C3: variants seen among roughly 807,000 people sequenced by gnomAD.
C3 encodes complement C3.
Under a neutral mutation model 207.9 loss-of-function variants are expected in C3, and 97 were observed. That is an observed-to-expected ratio of 0.47 (90% CI 0.40 to 0.55). The LOEUF is 0.55. Ranked by LOEUF, C3 falls within the 20% of genes least tolerant of loss-of-function variation. The pLI is 0.00. For synonymous variants in C3, 848 were observed against 857.6 expected (o/e 0.99, Z 0.20); for missense variants, 1,684 against 2,171.7 (o/e 0.78, Z 4.46).
intron 19 of C3, among the ~76,000 whole-genome samples, chr19:6,699,984 A>T (rs1443402345): frequency 6.7e-6 from 1 of 148,962 alleles, no homozygotes; most frequent in East Asian, 1.9e-4. Context: ...TAAAATATAC[A>T]TTATATATGT....
chr19:6,682,472 A>G (rs1380446791), intron 33 of C3: 2 of 502,140 alleles, frequency 4.0e-6, no homozygotes, highest in Admixed American at 3.2e-5. Context: ...TTCCAGCTCT[A>G]AATAACATTG....
chr19:6,679,093 A>C (rs1917791702), intron 38 of C3, 32 bp downstream of exon 38: 1 of 1,537,560 alleles, frequency 6.5e-7, no homozygotes, highest in Non-Finnish European at 9.0e-7. Context: ...ACACAGCTAA[A>C]CATGCGTGAC....
rs1282751006 is a variant in C3 at position 6,719,192 on chromosome 19, T to C, written c.267+19A>G. The C allele has an allele frequency of 1.4e-5, 23 of 1,612,188 alleles. No individual in the cohort carries two copies. The highest frequency in any genetic ancestry group is 1.7e-4 in the Middle Eastern group (1 of 6,052). ...GTGGCTGTGGGTGTCAGCCGGGTCC[T>C]GCGCCAGTCTGCACTCACCGTGAAG... On this transcript the variant is annotated intron_variant, in intron 2 of 40. Transcript: ENST00000245907. The surrounding 1 kb of genome is among the most constrained non-coding windows in gnomAD (Gnocchi z 5.4).
In C3 at chr19:6,689,320, T is replaced by TCTCTAC. The variant is rs1555684196; in HGVS notation, c.3489+1308_3489+1309insGTAGAG. 1.4e-4 allele frequency among the ~76,000 whole-genome samples: 10 copies of TCTCTAC among 72,382 alleles called. 1 individual carries two copies. The highest frequency in any genetic ancestry group is 5.1e-4 in the African/African-American group (8 of 15,554). 47.5% of individuals were successfully genotyped at this position (72,382 alleles called of 152,430 possible). A position where few individuals can be genotyped will look rare whatever the true frequency, so the allele number is the denominator to read the frequency against. ...TCTCCTCTCTCTCTCTCTCTCTCTC[T>TCTCTAC]CTACCTACCTCCCTCCCTCCCTCCC... On this transcript the variant is annotated intron_variant, in intron 27 of 40. Transcript: ENST00000245907.
At chr19:6,707,318 CCGG>C (rs1967802539) in intron 16 of C3, 45 bp from the exon 17 acceptor site, 2 of 1,600,908 alleles carry the variant, frequency 1.2e-6, no homozygotes, top group Non-Finnish European at 1.7e-6. Context: ...CAGCCGGGGG[CCGG>C]CAGCAGGAGG....
At chr19:6,714,717 C>T (rs1383113653) in intron 4 of C3, among the ~76,000 whole-genome samples, 1 of 152,080 alleles carries the variant, frequency 6.6e-6, no homozygotes, top group African/African-American at 2.4e-5. Flanking sequence ...CAAAAATTAG[C>T]CAGGCATGGT....
At position 6,712,524 on chromosome 19, in the gene C3, A is replaced by G; in HGVS notation, c.1103T>C (p.Met368Thr). The G allele has an allele frequency of 6.2e-7, 1 of 1,614,148 alleles. No homozygotes were observed. Among genetic ancestry groups the G allele is most frequent in the Non-Finnish European group, 8.5e-7 (1 of 1,179,982 alleles). ...TKTPKYFKPG[M>T]PFDLMVFVTN... is the part of the protein sequence containing the mutation. ...GGGTCTCACCATGAGGTCAAAGGGC[A>G]TTCCTGGTTTGAAGTACTTGGGTGT... The change falls in exon 10 of 41, where the codon ATG becomes ACG. Residue 368 changes from methionine to threonine, a missense_variant. By Grantham distance (81) the Met-to-Thr change is moderately conservative. Around this residue, in one of 3 missense-constraint regions of C3, gnomAD observed 1,280 missense variants for 1,739.1 expected, o/e 0.74. Coordinates refer to ENST00000245907, the MANE Select transcript of C3 (RefSeq NM_000064.4).
intron 17 of C3, among the ~76,000 whole-genome samples, chr19:6,704,453 A>AAT (rs1555685940): frequency 1.3e-5 from 2 of 152,226 alleles, no homozygotes; most frequent in African/African-American, 4.8e-5. Flanking sequence ...TCCCTTAAAA[A>AAT]ATATATATAT....
intron 17 of C3, among the ~76,000 whole-genome samples, chr19:6,705,354 CTTTTT>C (rs1395898355): frequency 1.3e-5 from 1 of 78,622 alleles, no homozygotes; most frequent in African/African-American, 5.0e-5. Context: ...TTTTTTTTTT[CTTTTT>C]TGAGACAGGG....
At chr19:6,686,308 C>T (rs762885547) in intron 28 of C3, 21 bp from the exon 29 acceptor site, 9 of 1,613,314 alleles carry the variant, frequency 5.6e-6, no homozygotes, top group Non-Finnish European at 7.6e-6. Flanking sequence ...GATACCCCAT[C>T]CCCAGTGCTC....
intron 19 of C3, among the ~76,000 whole-genome samples, chr19:6,700,701 A>G (rs1314971974): frequency 7.3e-6 from 1 of 136,792 alleles, no homozygotes. Flanking sequence ...TATATTATAT[A>G]TGTAATATGT....
intron 23 of C3, among the ~76,000 whole-genome samples, chr19:6,695,143 G>A (rs937497866): frequency 3.3e-5 from 5 of 151,568 alleles, no homozygotes; most frequent in Non-Finnish European, 5.9e-5. Context: ...GGTGGCGGGC[G>A]CCTGTAGTCC....
intron 36 of C3, 96 bp from the exon 37 acceptor site, chr19:6,679,592 C>G (rs11569559): frequency 1.2e-5 from 10 of 843,674 alleles, no homozygotes; most frequent in Admixed American, 1.7e-5. Flanking sequence ...GTCTTCAGAC[C>G]TGGAGATGCT....
rs57940862 is a variant in C3 at position 6,691,989 on chromosome 19, AACACACACACACAC to A, written c.3390+921_3390+934del. ...GTGACAAGAGCAAAACTCCATCTCAAACACACACACACACACACACACACACACACACACACACA... is the reference window on the plus strand; with the variant it reads ...GTGACAAGAGCAAAACTCCATCTCAAACACACACACACACACACACACACA... On this transcript the variant is annotated intron_variant, in intron 26 of 40. Coordinates refer to ENST00000245907, the MANE Select transcript of C3 (RefSeq NM_000064.4). 1.3e-3 allele frequency among the ~76,000 whole-genome samples: 173 copies of A among 136,934 alleles called. 1 individual carries two copies. The highest frequency in any genetic ancestry group is 4.2e-3 in the African/African-American group (153 of 36,318). 89.8% of individuals were successfully genotyped at this position (136,934 alleles called of 152,430 possible). A position where few individuals can be genotyped will look rare whatever the true frequency, so the allele number is the denominator to read the frequency against.
chr19:6,703,385 A>G (rs1967713237), intron 17 of C3, among the ~76,000 whole-genome samples: 1 of 152,162 alleles, frequency 6.6e-6, no homozygotes, highest in Non-Finnish European at 1.5e-5. Context: ...AGGCGGGTGG[A>G]TCACTTGAGG....
chr19:6,707,356 A>T, intron 16 of C3, 83 bp from the exon 17 acceptor site: 1 of 1,596,026 alleles, frequency 6.3e-7, no homozygotes, highest in Non-Finnish European at 8.6e-7. Flanking sequence ...CCCAGGGAGG[A>T]CTTCCCCGCC....
intron 17 of C3, among the ~76,000 whole-genome samples, chr19:6,703,044 C>CA (rs1366399099): frequency 6.6e-6 from 1 of 151,922 alleles, no homozygotes; most frequent in African/African-American, 2.4e-5. Flanking sequence ...AAAACAAAAA[C>CA]AAAAAACAAA....
chr19:6,720,305 C>T (rs1237334153), intron 1 of C3, among the ~76,000 whole-genome samples: 1 of 151,946 alleles, frequency 6.6e-6, no homozygotes, highest in Non-Finnish European at 1.5e-5. Flanking sequence ...TATATAAACT[C>T]CAATTCCATG....
In C3 at chr19:6,696,421, G is replaced by C; in HGVS notation, c.2908C>G (p.Gln970Glu). 3 of 1,613,702 alleles carry C rather than the reference G, an allele frequency of 1.9e-6. No homozygotes were observed. The highest frequency in any genetic ancestry group is 2.5e-6 in the Non-Finnish European group (3 of 1,179,782). ...EDIPPADLSD[Q>E]VPDTESETRI... The stretch of plus-strand genomic sequence containing the variant: ...GTCTCAGACTCGGTGTCCGGGACTT[G>C]GTCACTGAGGTCTGCAGGTGGGATG... Residue 970 changes from glutamine to glutamate, a missense_variant, in exon 23 of 41, where the codon CAA becomes GAA. By Grantham distance (29) the Gln-to-Glu change is conservative (BLOSUM62 2). Coordinates refer to ENST00000245907, the MANE Select transcript of C3 (RefSeq NM_000064.4).
Sources: allele counts gnomAD v4.1 joint callset (sites outside exome capture counted in the v4.1 genomes callset), GRCh38; gene constraint gnomAD v4.1.1; regional missense constraint gnomAD v4.1.1; non-coding constraint Gnocchi (gnomAD v3.1); transcripts MANE v1.5; gene names NCBI Gene and HGNC (gene_info 2026-07-23, HGNC 2026-07-21).